Variants in CALN1 observed in about 807,000 individuals in gnomAD.
CALN1 encodes calneuron 1.
A neutral mutation model predicts 30.6 loss-of-function variants in CALN1; 17 were observed. The observed-to-expected ratio is 0.56, with a 90% CI of 0.38 to 0.83. The LOEUF is 0.83. CALN1 is among the 40% of genes least tolerant of loss of function. The probability of loss-of-function intolerance (pLI) is 0.00; values close to 1 mark genes in which losing one functional copy is unlikely to be tolerated. For synonymous variants in CALN1, 156 were observed against 131.4 expected, an observed-to-expected ratio of 1.19 and a Z score of -1.28; for missense variants, 291 against 354.9, an observed-to-expected ratio of 0.82 and a Z score of 1.45.
chr7:72,037,832 G>A (rs1801894716), intron 4 of CALN1, among the ~76,000 whole-genome samples: 1 of 152,158 alleles, frequency 6.6e-6, no homozygotes, highest in Non-Finnish European at 1.5e-5. Context: ...TCTTTTCTGT[G>A]CCTGTACATT....
At chr7:72,306,385 G>A (rs914771734) in intron 2 of CALN1, among the ~76,000 whole-genome samples, 3 of 152,108 alleles carry the variant, frequency 2.0e-5, no homozygotes, top group East Asian at 3.9e-4. Context: ...TGTCTCTAAC[G>A]GCAGCCACTA....
chr7:72,108,878 G>C (rs929526639), intron 3 of CALN1, among the ~76,000 whole-genome samples: 1 of 152,198 alleles, frequency 6.6e-6, no homozygotes, highest in African/African-American at 2.4e-5. Context: ...CTTGCCCATT[G>C]CAAAACACCA....
At chr7:72,096,155 G>A (rs987392964) in intron 4 of CALN1, among the ~76,000 whole-genome samples, 1 of 152,134 alleles carries the variant, frequency 6.6e-6, no homozygotes, top group African/African-American at 2.4e-5. Context: ...GCCTGAGTTG[G>A]AGCATCTTAA....
chr7:72,405,818 A>G (rs569825998), intron 1 of CALN1, among the ~76,000 whole-genome samples: 25 of 152,306 alleles, frequency 1.6e-4, no homozygotes, highest in African/African-American at 5.8e-4. Flanking sequence ...CATATTTCAA[A>G]AAGCAGTAAT....
intron 2 of CALN1, among the ~76,000 whole-genome samples, chr7:72,394,325 G>GA (rs1805775091): frequency 6.6e-6 from 1 of 152,082 alleles, no homozygotes; most frequent in South Asian, 2.1e-4. Context: ...CCTAGCAAAA[G>GA]AAAAAATGTA....
chr7:72,376,138 A>G (rs1009088206), intron 2 of CALN1, among the ~76,000 whole-genome samples: 13 of 152,192 alleles, frequency 8.5e-5, no homozygotes, highest in Non-Finnish European at 1.6e-4. Context: ...TTATCCATTC[A>G]TCAGTTGATG....
chr7:72,079,761 C>CTTTTTTTTTTTTTTTTTTTT (rs3065015), intron 4 of CALN1, among the ~76,000 whole-genome samples: 5 of 104,046 alleles, frequency 4.8e-5, no homozygotes, highest in African/African-American at 8.0e-5. Context: ...TGCCTTTTTC[C>CTTTTTTTTTTTTTTTTTTTT]TTTTTTTTTT....
chr7:71,788,491 G>GTTTT (rs1298189911), intron 6 of CALN1, among the ~76,000 whole-genome samples: 1 of 126,830 alleles, frequency 7.9e-6, no homozygotes, highest in Admixed American at 8.0e-5. Context: ...TTTTTTTGTT[G>GTTTT]TTTTTTTTTT....
chr7:72,026,796 C>T (rs938341537), intron 4 of CALN1, among the ~76,000 whole-genome samples: 9 of 152,142 alleles, frequency 5.9e-5, no homozygotes, highest in African/African-American at 2.2e-4. Context: ...CAGATAGATA[C>T]TCAACTGGTA....
rs894848119 is a variant in CALN1, at chr7:72,003,540, C to G, written c.501+20117G>C. On this transcript the variant is annotated intron_variant, in intron 5 of 6. Coordinates refer to ENST00000395275, the MANE Select transcript of CALN1 (RefSeq NM_031468.4). ...GCTCGCATTACCACCTGAGCTCCAC[C>G]TCCTGTCAGATCAGCAGTAGCATTA... Among the ~76,000 whole-genome samples the G allele has an allele frequency of 1.3e-5, 2 of 152,254 alleles. 1 individual carries two copies. The highest frequency in any genetic ancestry group is 4.8e-5 in the African/African-American group (2 of 41,560).
chr7:72,411,811 A>G (rs867219656), intron 1 of CALN1, among the ~76,000 whole-genome samples: 1 of 148,490 alleles, frequency 6.7e-6, no homozygotes, highest in African/African-American at 2.6e-5. Flanking sequence ...AAGTAATAAG[A>G]AAAGAACCAA....
At chr7:72,054,542 T>TAC (rs199835513) in intron 4 of CALN1, among the ~76,000 whole-genome samples, 3 of 129,432 alleles carry the variant, frequency 2.3e-5, no homozygotes, top group Non-Finnish European at 3.2e-5. Context: ...CATATATATA[T>TAC]ACATATATAT....
At chr7:71,888,046 G>A (rs150558202) in intron 5 of CALN1, among the ~76,000 whole-genome samples, 12 of 152,190 alleles carry the variant, frequency 7.9e-5, no homozygotes, top group Admixed American at 1.3e-4. Context: ...GAGTCTGGGC[G>A]TAGAAAGAGA....
intron 3 of CALN1, among the ~76,000 whole-genome samples, chr7:72,211,883 AGAT>A (rs1366387936): frequency 6.6e-6 from 1 of 152,170 alleles, no homozygotes; most frequent in African/African-American, 2.4e-5. Flanking sequence ...GAATTAAAGA[AGAT>A]GATGATAGAG....
intron 4 of CALN1, among the ~76,000 whole-genome samples, chr7:72,087,688 A>C (rs931436440): frequency 6.6e-6 from 1 of 152,320 alleles, no homozygotes; most frequent in Middle Eastern, 3.4e-3. Flanking sequence ...TATATGTATG[A>C]GAATATAAAA....
intron 3 of CALN1, among the ~76,000 whole-genome samples, chr7:72,112,234 C>T (rs1321710008): frequency 2.6e-5 from 4 of 152,198 alleles, no homozygotes; most frequent in South Asian, 2.1e-4. Flanking sequence ...CAGCCAGCAT[C>T]GATATTAGTT....
chr7:72,163,660 G>A (rs2129544984), intron 3 of CALN1, among the ~76,000 whole-genome samples: 1 of 152,232 alleles, frequency 6.6e-6, no homozygotes, highest in Middle Eastern at 3.4e-3. Context: ...TTCACTGGAT[G>A]GGCTTAACAG....
chr7:72,069,691 G>A (rs533723384), intron 4 of CALN1, among the ~76,000 whole-genome samples: 2 of 152,182 alleles, frequency 1.3e-5, no homozygotes, highest in East Asian at 3.9e-4. Flanking sequence ...AAAAAGGATT[G>A]CAAAGACCTC....
chr7:72,375,415 A>G (rs1346097764), intron 2 of CALN1, among the ~76,000 whole-genome samples: 2 of 151,858 alleles, frequency 1.3e-5, no homozygotes, highest in East Asian at 3.9e-4. Flanking sequence ...AATAAAACAG[A>G]TTAGTCAAGT....
Sources: allele counts gnomAD v4.1 joint callset (sites outside exome capture counted in the v4.1 genomes callset), GRCh38; gene constraint gnomAD v4.1.1; transcripts MANE v1.5; gene names NCBI Gene and HGNC (gene_info 2026-07-23, HGNC 2026-07-21).